Variants in ZHX3 observed in about 807,000 individuals in gnomAD.
ZHX3 encodes the protein zinc fingers and homeoboxes 3, also known as zinc fingers and homeoboxes protein 3.
ZHX3 carries 20 observed loss-of-function variants against 64.5 expected under a neutral mutation model. That is an observed-to-expected ratio of 0.31 (90% confidence interval 0.22 to 0.45). The LOEUF (loss-of-function observed/expected upper bound fraction) is 0.45, where lower values mean the gene tolerates loss of function less well. ZHX3 is among the 20% of genes least tolerant of loss of function. The probability of loss-of-function intolerance (pLI) is 1.00; values close to 1 mark genes in which losing one functional copy is unlikely to be tolerated. For synonymous variants in ZHX3, 423 were observed against 461.6 expected (o/e 0.92, Z 1.07); for missense variants, 1,041 against 1,195.8 (o/e 0.87, Z 1.91).
chr20:41,218,736 A>G (rs1274033403), intron 2 of ZHX3, among the ~76,000 whole-genome samples: 2 of 152,146 alleles, frequency 1.3e-5, no homozygotes, highest in African/African-American at 4.8e-5. Context: ...TTTCTGCTGA[A>G]AACAAAAAAG....
chr20:41,266,657 T>C (rs1421560254), intron 2 of ZHX3, among the ~76,000 whole-genome samples: 7 of 150,324 alleles, frequency 4.7e-5, no homozygotes, highest in Admixed American at 1.3e-4. Flanking sequence ...GCCATTCTCC[T>C]GCCTCAGCCT....
chr20:41,294,048 TAAAGAAGTGAATAGAC>T (rs1366698739), intron 1 of ZHX3, among the ~76,000 whole-genome samples: 1 of 151,984 alleles, frequency 6.6e-6, no homozygotes, highest in Non-Finnish European at 1.5e-5. Flanking sequence ...TACAGCTTTG[TAAAGAAGTGAATAGAC>T]AAAAGTTCCG....
At chr20:41,293,156 C>T (rs768026633) in intron 1 of ZHX3, among the ~76,000 whole-genome samples, 1 of 152,202 alleles carries the variant, frequency 6.6e-6, no homozygotes, top group Non-Finnish European at 1.5e-5. Context: ...AAGAACTGTG[C>T]CCTGCTACTC....
At chr20:41,270,854 T>A (rs1328066201) in intron 1 of ZHX3, among the ~76,000 whole-genome samples, 2 of 152,102 alleles carry the variant, frequency 1.3e-5, no homozygotes, top group Non-Finnish European at 2.9e-5. Context: ...AATTTCTCCT[T>A]ATTAATAATT....
chr20:41,248,145 C>T (rs767279027), intron 2 of ZHX3, among the ~76,000 whole-genome samples: 4 of 152,196 alleles, frequency 2.6e-5, no homozygotes, highest in Admixed American at 1.3e-4. Flanking sequence ...TTTACATATA[C>T]TCCTCTCTTT....
chr20:41,203,244 A>T lies in ZHX3; in HGVS notation c.1673T>A (p.Met558Lys), dbSNP rs757589960. ...GATGGAACTGTGATCTCCAGGTATC[A>T]TCGCTCTGGAGCCCTTCAAGTTCCG... The part of the protein sequence containing the change: ...HCRNLKGSRA[M>K]IPGDHSSIII... The change falls in exon 3 of 4, where the codon ATG becomes AAG. Residue 558 changes from methionine to lysine, a missense_variant. Met to Lys is a moderately conservative substitution (Grantham distance 95, BLOSUM62 -1). Around this residue, in one of 4 missense-constraint regions of ZHX3, gnomAD observed 649 missense variants for 739.8 expected, o/e 0.88. Transcript: ENST00000683867. The surrounding 1 kb of genome is among the most constrained non-coding windows in gnomAD (Gnocchi z 7.1). 6.2e-7 allele frequency: 1 copy of T among 1,614,172 alleles called. No homozygotes were observed. Among genetic ancestry groups the T allele is most frequent in the Non-Finnish European group, 8.5e-7 (1 of 1,180,020 alleles).
intron 3 of ZHX3, among the ~76,000 whole-genome samples, chr20:41,186,124 A>C (rs1421025485): frequency 6.6e-6 from 1 of 152,232 alleles, no homozygotes; most frequent in Non-Finnish European, 1.5e-5. Context: ...CATCCTAAAC[A>C]GAAATTATAT....
At chr20:41,243,721 C>T (rs764662338) in intron 2 of ZHX3, among the ~76,000 whole-genome samples, 11 of 152,096 alleles carry the variant, frequency 7.2e-5, no homozygotes, top group Non-Finnish European at 1.3e-4. Flanking sequence ...TGGTCATCCT[C>T]ATAATCAAGC....
chr20:41,299,628 G>C (rs1160057472), intron 1 of ZHX3, among the ~76,000 whole-genome samples: 1 of 152,130 alleles, frequency 6.6e-6, no homozygotes, highest in Non-Finnish European at 1.5e-5. Context: ...TTGGGAGGCT[G>C]AGGCAGGTGG....
intron 2 of ZHX3, among the ~76,000 whole-genome samples, chr20:41,236,878 G>C (rs1383977174): frequency 1.3e-5 from 2 of 152,070 alleles, no homozygotes; most frequent in African/African-American, 2.4e-5. Context: ...CTGACAAAGG[G>C]CTAATATCCA....
At chr20:41,246,319 C>T (rs1316238569) in intron 2 of ZHX3, among the ~76,000 whole-genome samples, 4 of 152,192 alleles carry the variant, frequency 2.6e-5, no homozygotes, top group African/African-American at 9.7e-5. Flanking sequence ...TCTCTAATTT[C>T]TGAAAGCCAT....
chr20:41,218,043 A>C (rs970089413), intron 2 of ZHX3, among the ~76,000 whole-genome samples: 3 of 152,208 alleles, frequency 2.0e-5, no homozygotes, highest in Non-Finnish European at 1.5e-5. Context: ...TGGGAGGCTG[A>C]GATGGGAGGA....
At chr20:41,302,125 G>A (rs1453407504) in intron 1 of ZHX3, among the ~76,000 whole-genome samples, 1 of 148,408 alleles carries the variant, frequency 6.7e-6, no homozygotes, top group Non-Finnish European at 1.5e-5. Context: ...CGTGCCCAAC[G>A]GTTTACCTCA....
At chr20:41,307,958 G>T (rs2045027030) in intron 1 of ZHX3, among the ~76,000 whole-genome samples, 1 of 152,052 alleles carries the variant, frequency 6.6e-6, no homozygotes, top group Admixed American at 6.5e-5. Flanking sequence ...TTCAACTAAG[G>T]TACCTAGTTC....
rs10485679 is a variant in ZHX3 at position 41,184,404 on chromosome 20, A to G, written c.*787T>C. On this transcript the variant is annotated 3_prime_UTR_variant, in exon 4 of 4. Transcript: ENST00000683867. The stretch of plus-strand genomic sequence containing the variant: ...AACAAATGTTTCTTTAGTTGATCTG[A>G]TAACTGAAAAGTTATGGTCCATGAT... 0.02 allele frequency: 3,167 copies of G among 154,524 alleles called. 98 individuals are homozygous for G. The highest frequency in any genetic ancestry group is 0.071 in the African/African-American group (2,966 of 41,596). 9.6% of individuals were successfully genotyped at this position (154,524 alleles called of 1,614,324 possible).
chr20:41,240,056 G>A (rs1292675780), intron 2 of ZHX3, among the ~76,000 whole-genome samples: 1 of 152,062 alleles, frequency 6.6e-6, no homozygotes, highest in Non-Finnish European at 1.5e-5. Flanking sequence ...GAGGGCAGTG[G>A]CGCCATCTTG....
chr20:41,295,604 C>T (rs574297925), intron 1 of ZHX3, among the ~76,000 whole-genome samples: 25 of 152,222 alleles, frequency 1.6e-4, no homozygotes, highest in African/African-American at 4.1e-4. Flanking sequence ...CGGTGGCTCA[C>T]GCCTGTAATC....
chr20:41,238,505 G>A (rs775316164), intron 2 of ZHX3, among the ~76,000 whole-genome samples: 2 of 150,926 alleles, frequency 1.3e-5, no homozygotes, highest in African/African-American at 2.5e-5. Context: ...AAAAATTTCT[G>A]CAAAAAACAA....
At chr20:41,230,771 T>C (rs2040554324) in intron 2 of ZHX3, among the ~76,000 whole-genome samples, 1 of 152,172 alleles carries the variant, frequency 6.6e-6, no homozygotes, top group Non-Finnish European at 1.5e-5. Context: ...ATATTTCCCA[T>C]ATACCCACTG....
Sources: gnomAD v4.1 joint callset for allele counts (sites outside exome capture counted in the v4.1 genomes callset) on GRCh38, gnomAD v4.1.1 for gene constraint, gnomAD v4.1.1 regional missense constraint, Gnocchi (gnomAD v3.1) non-coding constraint, MANE v1.5 for transcripts, NCBI Gene and HGNC (gene_info 2026-07-23, HGNC 2026-07-21) for gene names.